Variants in PDE4B observed in about 807,000 individuals in gnomAD.
PDE4B encodes 3',5'-cyclic-AMP phosphodiesterase 4B.
Under a neutral mutation model 82.2 loss-of-function variants are expected in PDE4B, and 20 were observed. The ratio of observed to expected loss-of-function variants is 0.24; its 90% CI spans 0.17 to 0.35. The LOEUF is 0.35. Among genes scored for constraint, PDE4B ranks in the 10% least tolerant of loss-of-function variants. The pLI, the probability that PDE4B is intolerant of heterozygous loss-of-function variation, is 1.00. For missense variants in PDE4B, 655 were observed against 907.2 expected, an observed-to-expected ratio of 0.72 and a Z score of 3.57; for synonymous variants, 320 against 318.9, an observed-to-expected ratio of 1.00 and a Z score of -0.04.
At chr1:66,076,066 T>C (rs979886986) in intron 3 of PDE4B, among the ~76,000 whole-genome samples, 10 of 151,970 alleles carry the variant, frequency 6.6e-5, no homozygotes, top group South Asian at 2.1e-4. Context: ...AGATGGTACA[T>C]GTGCAAGTTT....
chr1:65,815,316 A>G (rs1645870332), intron 1 of PDE4B, among the ~76,000 whole-genome samples: 1 of 151,708 alleles, frequency 6.6e-6, no homozygotes, highest in African/African-American at 2.4e-5. Flanking sequence ...AGATATATAA[A>G]TTTGGAAGCC....
chr1:65,883,910 A>G (rs1571065340), intron 1 of PDE4B, among the ~76,000 whole-genome samples: 2 of 152,300 alleles, frequency 1.3e-5, no homozygotes, highest in Non-Finnish European at 2.9e-5. Flanking sequence ...ATCTATTGAG[A>G]TAATCATGTG....
At chr1:66,335,752 G>GTATTGT (rs1660468306) in intron 8 of PDE4B, among the ~76,000 whole-genome samples, 1 of 152,178 alleles carries the variant, frequency 6.6e-6, no homozygotes, top group South Asian at 2.1e-4. Flanking sequence ...CAAGGCAATG[G>GTATTGT]TATTGTTATT....
intron 3 of PDE4B, among the ~76,000 whole-genome samples, chr1:66,228,443 T>TAGA (rs1651642329): frequency 6.6e-6 from 1 of 152,056 alleles, no homozygotes; most frequent in South Asian, 2.1e-4. Context: ...GCTAACACAG[T>TAGA]GAAACCCCAT....
chr1:66,204,675 C>T (rs1649390659), intron 3 of PDE4B, among the ~76,000 whole-genome samples: 1 of 152,184 alleles, frequency 6.6e-6, no homozygotes, highest in African/African-American at 2.4e-5. Flanking sequence ...TCCTGGTGTG[C>T]CGTTTTTTAA....
chr1:65,809,968 T>C (rs1645801249), intron 1 of PDE4B, among the ~76,000 whole-genome samples: 1 of 152,274 alleles, frequency 6.6e-6, no homozygotes, highest in Non-Finnish European at 1.5e-5. Context: ...GTTAAATTTG[T>C]AGTTCAAGAA....
At chr1:66,064,461 A>G (rs1376972546) in intron 3 of PDE4B, among the ~76,000 whole-genome samples, 2 of 151,992 alleles carry the variant, frequency 1.3e-5, no homozygotes, top group African/African-American at 2.4e-5. Flanking sequence ...AAAAGGAAAA[A>G]AAGGAGGCAG....
intron 1 of PDE4B, among the ~76,000 whole-genome samples, chr1:65,855,722 A>G (rs1363073239): frequency 1.3e-5 from 2 of 151,804 alleles, no homozygotes; most frequent in African/African-American, 2.4e-5. Flanking sequence ...CTTCTCTATA[A>G]CTCTACTGCA....
chr1:65,998,497 G>A (rs148113632), intron 3 of PDE4B, among the ~76,000 whole-genome samples: 82 of 152,142 alleles, frequency 5.4e-4, no homozygotes, highest in Non-Finnish European at 9.7e-4. Flanking sequence ...AGGTCAGGTA[G>A]AGAATGGATT....
chr1:65,842,079 G>A lies in PDE4B; in HGVS notation c.-71+48831G>A, dbSNP rs1404231321. 3.9e-5 allele frequency among the ~76,000 whole-genome samples: 6 copies of A among 152,132 alleles called. No individual in the cohort carries two copies. In the South Asian group the frequency reaches 1.2e-3, roughly 31 times the overall value. Reference sequence around the variant, plus strand: ...CTTACACCATGGACAATTAGAGGGAGCTATATTTAAGACTATATGGGTTTT... The same window carrying A: ...CTTACACCATGGACAATTAGAGGGAACTATATTTAAGACTATATGGGTTTT... On this transcript the variant is annotated intron_variant, in intron 1 of 16. Transcript: ENST00000341517.
chr1:66,052,675 G>T, intron 3 of PDE4B, among the ~76,000 whole-genome samples: 1 of 151,762 alleles, frequency 6.6e-6, no homozygotes, highest in Middle Eastern at 3.2e-3. Context: ...TCCTTTCCGA[G>T]AAATGATTAG....
intron 3 of PDE4B, among the ~76,000 whole-genome samples, chr1:65,935,769 C>T (rs1376310839): frequency 6.6e-6 from 1 of 152,014 alleles, no homozygotes; most frequent in African/African-American, 2.4e-5. Flanking sequence ...TGGAGAAACC[C>T]CATCTCTAAT....
intron 16 of PDE4B, among the ~76,000 whole-genome samples, chr1:66,369,637 G>A (rs577993443): frequency 1.3e-5 from 2 of 152,310 alleles, no homozygotes; most frequent in East Asian, 1.9e-4. Flanking sequence ...TCAAGAAAAC[G>A]AATGGGCTGA....
At chr1:65,882,586 G>A (rs1646720799) in intron 1 of PDE4B, among the ~76,000 whole-genome samples, 1 of 151,614 alleles carries the variant, frequency 6.6e-6, no homozygotes, top group Admixed American at 6.6e-5. Context: ...TATTAATGTT[G>A]CATAGCTGCA....
intron 7 of PDE4B, among the ~76,000 whole-genome samples, chr1:66,281,930 A>C (rs594965): frequency 0.066 from 10,037 of 152,178 alleles, 1,053 homozygotes; most frequent in African/African-American, 0.22. Context: ...CCATAAAGAC[A>C]CTCAGCTAGT....
intron 8 of PDE4B, among the ~76,000 whole-genome samples, chr1:66,342,781 C>T (rs1570733617): frequency 6.6e-6 from 1 of 150,862 alleles, no homozygotes; most frequent in South Asian, 2.1e-4. Context: ...CAGTGGCTCA[C>T]GCCTGTAATC....
chr1:65,911,040 G>C (rs192792490), intron 1 of PDE4B, among the ~76,000 whole-genome samples: 7 of 152,114 alleles, frequency 4.6e-5, no homozygotes, highest in African/African-American at 1.7e-4. Flanking sequence ...TTGTGATCCT[G>C]CTTTTTCCGA....
intron 1 of PDE4B, among the ~76,000 whole-genome samples, chr1:65,893,472 G>A (rs1458558911): frequency 6.6e-6 from 1 of 151,952 alleles, no homozygotes; most frequent in Non-Finnish European, 1.5e-5. Context: ...ACTCCTGCAA[G>A]AATCGCCATA....
intron 3 of PDE4B, 123 bp downstream of exon 3, chr1:65,918,958 A>G: frequency 1.5e-6 from 1 of 658,076 alleles, no homozygotes; most frequent in Admixed American, 2.5e-5. Context: ...ACATTTTGAG[A>G]ATTCGTTTCC....
Sources: gnomAD v4.1 joint callset for allele counts (sites outside exome capture counted in the v4.1 genomes callset) on GRCh38, gnomAD v4.1.1 for gene constraint, MANE v1.5 for transcripts, NCBI Gene and HGNC (gene_info 2026-07-23, HGNC 2026-07-21) for gene names.